The following MKNK1 variants were observed in gnomAD, a reference collection of about 807,000 sequenced individuals.
The protein encoded by MKNK1 is MAP kinase-interacting serine/threonine-protein kinase 1.
Under a neutral mutation model 49.3 loss-of-function variants are expected in MKNK1, and 30 were observed. The observed-to-expected ratio is 0.61, with a 90% confidence interval of 0.46 to 0.83. The LOEUF is 0.83. MKNK1 is among the 40% of genes least tolerant of loss of function. MKNK1 has a pLI of 0.00. For missense variants in MKNK1, 423 were observed against 524.7 expected, an observed-to-expected ratio of 0.81 and a Z score of 1.89; for synonymous variants, 176 against 201.7, an observed-to-expected ratio of 0.87 and a Z score of 1.08.
intron 1 of MKNK1, chr1:46,594,995 C>T (rs182220684): frequency 1.9e-5 from 4 of 207,630 alleles, no homozygotes; most frequent in East Asian, 1.8e-4. Flanking sequence ...CTGCTATCCA[C>T]GTTTTTAGAG....
chr1:46,580,958 A>T (rs2148688407), intron 3 of MKNK1, among the ~76,000 whole-genome samples: 1 of 152,344 alleles, frequency 6.6e-6, no homozygotes, highest in South Asian at 2.1e-4. Flanking sequence ...GCAGGGGCTT[A>T]CACCTGTAAT....
chr1:46,586,849 T>C lies in MKNK1; in HGVS notation c.-2-3520A>G, dbSNP rs1297012751. On this transcript the variant is annotated intron_variant, in intron 2 of 12. Transcript: ENST00000371945. Reference sequence around the variant, plus strand: ...CTTTTTGAGATGGAGTCTTGCTCTGTCACCCAAGCTGGAATGCAGTGGAGT... The same window carrying C: ...CTTTTTGAGATGGAGTCTTGCTCTGCCACCCAAGCTGGAATGCAGTGGAGT... Among the ~76,000 whole-genome samples, 4 of 152,214 alleles carry C rather than the reference T, an allele frequency of 2.6e-5. No individual in the cohort carries two copies. The East Asian group carries it at 7.7e-4, about 29-fold the overall frequency.
chr1:46,560,116 C>T (rs544477604), intron 12 of MKNK1, 118 bp downstream of exon 12: 2 of 1,111,666 alleles, frequency 1.8e-6, no homozygotes, highest in South Asian at 1.3e-5. Context: ...GGGAAATGGG[C>T]AGGGAGCCCC....
At chr1:46,568,696 T>A (rs898590008) in intron 7 of MKNK1, 198 bp from the exon 8 acceptor site, 2 of 583,872 alleles carry the variant, frequency 3.4e-6, no homozygotes, top group Non-Finnish European at 6.1e-6. Flanking sequence ...CGGGTTCTTT[T>A]GAAGAGGAGG....
intron 2 of MKNK1, 69 bp downstream of exon 2, chr1:46,594,044 C>T (rs1673722951): frequency 7.9e-7 from 1 of 1,258,362 alleles, no homozygotes; most frequent in East Asian, 2.3e-5. Flanking sequence ...GCCCTTTCCT[C>T]TGGATGTATC....
At chr1:46,563,472 A>AT (rs1157098716) in intron 9 of MKNK1, 1 of 152,162 alleles carries the variant, frequency 6.6e-6, no homozygotes. Flanking sequence ...GCTGATAGGA[A>AT]TAAAACACGT....
At chr1:46,562,517 C>T in intron 10 of MKNK1, 132 bp downstream of exon 10, 1 of 1,043,636 alleles carries the variant, frequency 9.6e-7, no homozygotes, top group Non-Finnish European at 1.3e-6. Context: ...GCCACCGTGA[C>T]AGGAGCGGGA....
intron 2 of MKNK1, chr1:46,584,408 G>A (rs957737189): frequency 1.3e-5 from 2 of 151,946 alleles, no homozygotes; most frequent in Non-Finnish European, 2.9e-5. Context: ...CTAAAATAGA[G>A]GCACTCGAGT....
chr1:46,604,153 T>C (rs1675104242), intron 1 of MKNK1, 32 bp downstream of exon 1: 1 of 152,164 alleles, frequency 6.6e-6, no homozygotes, highest in Non-Finnish European at 1.5e-5. Context: ...CCCATTTAGC[T>C]CGGAGGAATA....
intron 2 of MKNK1, among the ~76,000 whole-genome samples, chr1:46,590,123 C>G (rs1429965415): frequency 6.6e-6 from 1 of 152,120 alleles, no homozygotes; most frequent in Non-Finnish European, 1.5e-5. Context: ...AATTACCAAC[C>G]CAGCTGCCTT....
intron 2 of MKNK1, among the ~76,000 whole-genome samples, chr1:46,588,680 G>A (rs183437284): frequency 9.9e-5 from 15 of 152,124 alleles, no homozygotes; most frequent in Admixed American, 7.2e-4. Flanking sequence ...GGTGGCGGGC[G>A]CCTGTAGTCC....
rs775926041 is a variant in MKNK1, at chr1:46,558,662, G to A, written c.1152C>T (p.Ser384=). Residue 384 remains serine (S), a synonymous_variant, in exon 13 of 13, where the codon TCC becomes TCT. Transcript: ENST00000371945. ...GGGCCAGGCGTGACTTGCAGGGAGGGGAAAGCTTCATGGAGCAGAGGCCAT... is the reference window on the plus strand; with the variant it reads ...GGGCCAGGCGTGACTTGCAGGGAGGAGAAAGCTTCATGGAGCAGAGGCCAT... ...LADGLCSMKL[S]PPCKSRLARR... 7.4e-6 allele frequency: 12 copies of A among 1,614,194 alleles called. No homozygotes were observed. Among genetic ancestry groups the A allele is most frequent in the Non-Finnish European group, 1.0e-5 (12 of 1,180,038 alleles).
chr1:46,577,196 C>A (rs543890043), intron 4 of MKNK1, among the ~76,000 whole-genome samples: 2 of 152,064 alleles, frequency 1.3e-5, no homozygotes, highest in Non-Finnish European at 2.9e-5. Flanking sequence ...GATTTATTTA[C>A]GGCCGGGTGT....
At chr1:46,568,744 A>C in intron 7 of MKNK1, 1 of 506,286 alleles carries the variant, frequency 2.0e-6, no homozygotes. Context: ...GGCTAAATGA[A>C]TCCCAGCCAG....
intron 1 of MKNK1, among the ~76,000 whole-genome samples, chr1:46,596,174 T>C (rs1436288517): frequency 1.3e-5 from 2 of 152,248 alleles, no homozygotes; most frequent in Non-Finnish European, 2.9e-5. Context: ...ATTTTAAGCT[T>C]TGTGTGTCAC....
intron 4 of MKNK1, among the ~76,000 whole-genome samples, chr1:46,577,341 C>T (rs1210034576): frequency 1.3e-5 from 2 of 151,964 alleles, no homozygotes; most frequent in Non-Finnish European, 2.9e-5. Flanking sequence ...ATTAGCCAGG[C>T]GTGGTAGTGG....
intron 1 of MKNK1, among the ~76,000 whole-genome samples, chr1:46,600,725 A>G (rs1460497158): frequency 6.6e-6 from 1 of 152,246 alleles, no homozygotes; most frequent in Non-Finnish European, 1.5e-5. Context: ...GGAATTGGAA[A>G]ATAGATCTGA....
At chr1:46,559,950 G>A in intron 12 of MKNK1, 1 of 540,792 alleles carries the variant, frequency 1.8e-6, no homozygotes. Context: ...TCTGTCTTTG[G>A]GCTGTAAGTT....
At position 46,563,935 on chromosome 1, in the gene MKNK1, C is replaced by T. The variant is rs184090110; in HGVS notation, c.610-1092G>A. 5.2e-3 allele frequency among the ~76,000 whole-genome samples: 765 copies of T among 147,956 alleles called. 10 individuals are homozygous for T. The highest frequency in any genetic ancestry group is 0.011 in the Admixed American group (164 of 14,442). On this transcript the variant is annotated intron_variant, in intron 9 of 12. Transcript: ENST00000371945. The stretch of plus-strand genomic sequence containing the variant: ...TGGCGGGCGCCTGTAGTCCCAGCTA[C>T]TCGGGAGGCTGAGGCAGGAGGATGG...
Sources: gnomAD v4.1 joint callset for allele counts (sites outside exome capture counted in the v4.1 genomes callset) on GRCh38, gnomAD v4.1.1 for gene constraint, MANE v1.5 for transcripts, NCBI Gene and HGNC (gene_info 2026-07-23, HGNC 2026-07-21) for gene names.